Variants in MVB12B observed in about 807,000 individuals in gnomAD.
MVB12B encodes ESCRT-I complex subunit MVB12B.
In MVB12B, 16 loss-of-function variants were observed where a neutral mutation model predicts 41.6. The observed-to-expected ratio is 0.38, with a 90% CI of 0.26 to 0.58. The LOEUF (loss-of-function observed/expected upper bound fraction) is 0.58, where lower values mean the gene tolerates loss of function less well. MVB12B is among the 20% of genes least tolerant of loss of function. The pLI is 0.62. For missense variants in MVB12B, 274 were observed against 380.2 expected, an observed-to-expected ratio of 0.72 and a Z score of 2.32; for synonymous variants, 133 against 139.7, an observed-to-expected ratio of 0.95 and a Z score of 0.34.
intron 7 of MVB12B, among the ~76,000 whole-genome samples, chr9:126,467,840 G>A (rs1833229143): frequency 6.6e-6 from 1 of 152,100 alleles, no homozygotes; most frequent in African/African-American, 2.4e-5. Flanking sequence ...CACTGAATCA[G>A]CCACTTCTCC....
chr9:126,347,275 A>AGG (rs1829621065), intron 2 of MVB12B, among the ~76,000 whole-genome samples: 1 of 152,194 alleles, frequency 6.6e-6, no homozygotes, highest in Non-Finnish European at 1.5e-5. Flanking sequence ...CACGCTGGGA[A>AGG]GCCAGCCTTG....
At chr9:126,351,238 A>G (rs918735444) in intron 2 of MVB12B, among the ~76,000 whole-genome samples, 14 of 152,182 alleles carry the variant, frequency 9.2e-5, no homozygotes, top group African/African-American at 3.1e-4. Context: ...TTTATCTTAC[A>G]TCCTGTGACC....
chr9:126,339,654 G>T (rs1829383073), intron 1 of MVB12B, among the ~76,000 whole-genome samples: 1 of 152,142 alleles, frequency 6.6e-6, no homozygotes, highest in Non-Finnish European at 1.5e-5. Context: ...TTGAGTAAGT[G>T]CCCACATGAC....
At chr9:126,390,671 C>T (rs753225022) in intron 4 of MVB12B, among the ~76,000 whole-genome samples, 32 of 152,216 alleles carry the variant, frequency 2.1e-4, no homozygotes, top group South Asian at 1.0e-3. Context: ...CTAAAAAATG[C>T]AGAAGGAGGC....
chr9:126,501,606 A>ACATGGCGCTAGTCTGTGGC (rs1327704747), intron 9 of MVB12B, among the ~76,000 whole-genome samples: 2 of 152,116 alleles, frequency 1.3e-5, no homozygotes, highest in South Asian at 2.1e-4. Flanking sequence ...TTGGCTGTGG[A>ACATGGCGCTAGTCTGTGGC]CATGGCGCTA....
At chr9:126,501,067 G>T (rs892273387) in intron 9 of MVB12B, among the ~76,000 whole-genome samples, 3 of 152,234 alleles carry the variant, frequency 2.0e-5, no homozygotes, top group African/African-American at 7.2e-5. Flanking sequence ...GCCACCAGGT[G>T]GCAGTGTCCT....
At chr9:126,385,870 G>T (rs562536304) in intron 3 of MVB12B, among the ~76,000 whole-genome samples, 47 of 152,272 alleles carry the variant, frequency 3.1e-4, no homozygotes, top group African/African-American at 1.1e-3. Context: ...TGTTTGCAAA[G>T]AATTCTCTCT....
rs753957390 is a variant in MVB12B at position 126,340,645 on chromosome 9, T to C, written c.204+15T>C. ...GCTATGACGTAGTAAGTCAAGATACTAGTTTGTACATTTTGCTCACTGATT... is the reference window on the plus strand; with the variant it reads ...GCTATGACGTAGTAAGTCAAGATACCAGTTTGTACATTTTGCTCACTGATT... On this transcript the variant is annotated intron_variant, in intron 2 of 9. Coordinates refer to ENST00000361171, the MANE Select transcript of MVB12B (RefSeq NM_033446.3). This position sits in a 1 kb window ranked among gnomAD's most constrained non-coding sequence, Gnocchi z 4.0. 3.1e-6 allele frequency: 5 copies of C among 1,612,492 alleles called. No homozygotes were observed. In the South Asian group the frequency reaches 4.4e-5, roughly 14 times the overall value.
chr9:126,398,751 G>A (rs1327287822), intron 6 of MVB12B, among the ~76,000 whole-genome samples: 1 of 152,254 alleles, frequency 6.6e-6, no homozygotes, highest in African/African-American at 2.4e-5. Flanking sequence ...CCCTGGCCCA[G>A]GCCAGCCAGG....
chr9:126,410,141 T>TTGTGTGTGTGTGTG (rs3222493), intron 6 of MVB12B, among the ~76,000 whole-genome samples: 7 of 148,472 alleles, frequency 4.7e-5, no homozygotes, highest in Non-Finnish European at 1.0e-4. Context: ...TGATTTGGTT[T>TTGTGTGTGTGTGTG]TGTGTGTGTG....
intron 7 of MVB12B, among the ~76,000 whole-genome samples, chr9:126,456,134 G>T (rs990596351): frequency 1.4e-4 from 21 of 151,776 alleles, no homozygotes; most frequent in Non-Finnish European, 1.2e-4. Flanking sequence ...TAGGTGATCC[G>T]CCCACCTTGG....
intron 2 of MVB12B, among the ~76,000 whole-genome samples, chr9:126,375,363 C>CTTTTTTTTTTTTTTTTTTTT (rs35585049): frequency 9.5e-6 from 1 of 105,194 alleles, no homozygotes; most frequent in Non-Finnish European, 1.8e-5. Flanking sequence ...TAAATTGATT[C>CTTTTTTTTTTTTTTTTTTTT]TTTTTTTTTT....
At chr9:126,403,934 A>G (rs1831340900) in intron 6 of MVB12B, among the ~76,000 whole-genome samples, 1 of 151,758 alleles carries the variant, frequency 6.6e-6, no homozygotes, top group Admixed American at 6.6e-5. Context: ...AGGCTTTACA[A>G]ATAACTCCTT....
rs1564356979 is a variant in MVB12B, at chr9:126,505,622, C to T, written c.*2359C>T. On this transcript the variant is annotated 3_prime_UTR_variant, in exon 10 of 10. Transcript: ENST00000361171. ...CTGCTCCTAACCCACCATTTATTGC[C>T]TTCTGAGAGGTGGGTGAGGACAAGC... 1 of 152,044 alleles carries T rather than the reference C, an allele frequency of 6.6e-6. No homozygotes were observed. The highest frequency in any genetic ancestry group is 2.4e-5 in the African/African-American group (1 of 41,340). 9.4% of individuals were successfully genotyped at this position (152,044 alleles called of 1,614,324 possible).
At position 126,421,777 on chromosome 9, in the gene MVB12B, G is replaced by A. The variant is rs998441757; in HGVS notation, c.663-77G>A. On this transcript the variant is annotated intron_variant, in intron 6 of 9. Coordinates refer to ENST00000361171, the MANE Select transcript of MVB12B (RefSeq NM_033446.3). ...CGCTGATCTGTGCTGCATTTCAGCTGTTGATGGCGTCAGTGCTTCCTGAGT... is the reference window on the plus strand; with the variant it reads ...CGCTGATCTGTGCTGCATTTCAGCTATTGATGGCGTCAGTGCTTCCTGAGT... 130 of 1,107,570 alleles carry A rather than the reference G, an allele frequency of 1.2e-4. 1 individual carries two copies. Among genetic ancestry groups the A allele is most frequent in the Non-Finnish European group, 1.6e-4 (112 of 720,036 alleles). The allele number at this position is 1,107,570 out of a possible 1,614,324, so 68.6% of individuals were successfully genotyped here.
intron 6 of MVB12B, among the ~76,000 whole-genome samples, chr9:126,416,484 C>T (rs1167050059): frequency 6.6e-6 from 1 of 152,164 alleles, no homozygotes; most frequent in Non-Finnish European, 1.5e-5. Flanking sequence ...TGTAACCTGT[C>T]GGGATCACTG....
chr9:126,388,236 C>T (rs1163477193), intron 4 of MVB12B, among the ~76,000 whole-genome samples: 1 of 152,176 alleles, frequency 6.6e-6, no homozygotes, highest in Non-Finnish European at 1.5e-5. Context: ...CACTGATCTA[C>T]TTTCTATGTA....
chr9:126,450,089 C>T (rs544298331), intron 7 of MVB12B, among the ~76,000 whole-genome samples: 3 of 152,218 alleles, frequency 2.0e-5, no homozygotes, highest in East Asian at 3.8e-4. Flanking sequence ...CAGAGTTAAC[C>T]GTGAGAGCTC....
intron 7 of MVB12B, among the ~76,000 whole-genome samples, chr9:126,451,068 C>T (rs943075267): frequency 5.9e-5 from 9 of 152,204 alleles, no homozygotes; most frequent in African/African-American, 2.2e-4. Flanking sequence ...TCACGTACTC[C>T]ACCCTAGGTG....
Sources: gnomAD v4.1 joint callset for allele counts (sites outside exome capture counted in the v4.1 genomes callset) on GRCh38, gnomAD v4.1.1 for gene constraint, Gnocchi (gnomAD v3.1) non-coding constraint, MANE v1.5 for transcripts, NCBI Gene and HGNC (gene_info 2026-07-23, HGNC 2026-07-21) for gene names.